EPHA6: variants seen among roughly 807,000 people sequenced by gnomAD.
EPHA6 encodes the protein ephrin type-A receptor 6.
In EPHA6, 50 loss-of-function variants were observed where a neutral mutation model predicts 112.0. The observed-to-expected ratio is 0.45, with a 90% CI of 0.36 to 0.56. EPHA6 has a LOEUF of 0.56. EPHA6 is among the 20% of genes least tolerant of loss of function. EPHA6 has a pLI of 0.00. For missense variants in EPHA6, 1,280 were observed against 1,417.4 expected (o/e 0.90, Z 1.56); for synonymous variants, 529 against 490.7 (o/e 1.08, Z -1.03).
At chr3:97,386,123 A>G (rs746043695) in intron 5 of EPHA6, among the ~76,000 whole-genome samples, 7 of 152,264 alleles carry the variant, frequency 4.6e-5, no homozygotes, top group East Asian at 1.9e-4. Context: ...TCAAAAGTCC[A>G]AGTCCAAAGT....
At chr3:97,220,575 A>C (rs2108532073) in intron 3 of EPHA6, among the ~76,000 whole-genome samples, 1 of 152,350 alleles carries the variant, frequency 6.6e-6, no homozygotes, top group East Asian at 1.9e-4. Flanking sequence ...AAGAGGAAGG[A>C]GAATTGCCTA....
chr3:97,138,146 A>G (rs1486290985), intron 3 of EPHA6, among the ~76,000 whole-genome samples: 1 of 152,142 alleles, frequency 6.6e-6, no homozygotes, highest in African/African-American at 2.4e-5. Context: ...AGGACTTCAT[A>G]TTCTAGCTGC....
At chr3:97,209,482 A>C (rs2077806536) in intron 3 of EPHA6, among the ~76,000 whole-genome samples, 1 of 152,182 alleles carries the variant, frequency 6.6e-6, no homozygotes, top group Middle Eastern at 3.2e-3. Context: ...ATTAATACTC[A>C]CATCATTGGC....
At chr3:97,658,154 T>C (rs1234553363) in intron 14 of EPHA6, among the ~76,000 whole-genome samples, 4 of 152,030 alleles carry the variant, frequency 2.6e-5, no homozygotes, top group African/African-American at 9.6e-5. Context: ...CCACACACTT[T>C]TAGTTTCTAT....
At chr3:97,290,818 T>G (rs887302203) in intron 5 of EPHA6, among the ~76,000 whole-genome samples, 2 of 152,078 alleles carry the variant, frequency 1.3e-5, no homozygotes, top group South Asian at 2.1e-4. Context: ...GCTCATCTTT[T>G]TTTTTTAAAC....
At chr3:97,407,022 T>C (rs898148944) in intron 6 of EPHA6, among the ~76,000 whole-genome samples, 1 of 152,200 alleles carries the variant, frequency 6.6e-6, no homozygotes, top group Non-Finnish European at 1.5e-5. Flanking sequence ...ATAAGGGTTA[T>C]ATTTTACACA....
At chr3:97,596,898 AT>A (rs2093598775) in intron 12 of EPHA6, among the ~76,000 whole-genome samples, 1 of 138,994 alleles carries the variant, frequency 7.2e-6, no homozygotes, top group Non-Finnish European at 1.5e-5. Flanking sequence ...ATATATATAT[AT>A]ATATATGTAT....
intron 14 of EPHA6, among the ~76,000 whole-genome samples, chr3:97,716,691 A>T (rs1434038298): frequency 6.6e-6 from 1 of 152,128 alleles, no homozygotes; most frequent in Non-Finnish European, 1.5e-5. Context: ...CTCATCTTGC[A>T]ATTAGATATA....
chr3:97,629,131 T>C lies in EPHA6; in HGVS notation c.2575-8742T>C, dbSNP rs1433658893. ...TTTGTAGAGATGGGGTCTTACTCTGTTGCCCAGGCTTGTCTCAATCTCCTG... is the reference window on the plus strand; with the variant it reads ...TTTGTAGAGATGGGGTCTTACTCTGCTGCCCAGGCTTGTCTCAATCTCCTG... On this transcript the variant is annotated intron_variant, in intron 13 of 17. Transcript: ENST00000389672. Among the ~76,000 whole-genome samples the C allele has an allele frequency of 2.0e-5, 3 of 151,974 alleles. No homozygotes were observed. In the East Asian group the frequency reaches 5.8e-4, roughly 29 times the overall value.
intron 10 of EPHA6, among the ~76,000 whole-genome samples, chr3:97,496,623 A>G (rs1273120784): frequency 2.6e-5 from 4 of 152,022 alleles, no homozygotes; most frequent in Non-Finnish European, 5.9e-5. Context: ...TAATTCTGAA[A>G]CCATCTTCAC....
chr3:97,215,266 AAG>A, intron 3 of EPHA6, among the ~76,000 whole-genome samples: 1 of 152,350 alleles, frequency 6.6e-6, no homozygotes, highest in East Asian at 1.9e-4. Context: ...TCAATTTTGA[AAG>A]TATGAGTAGA....
At chr3:96,989,164 T>C (rs80343355) in intron 3 of EPHA6, among the ~76,000 whole-genome samples, 3,630 of 152,192 alleles carry the variant, frequency 0.024, 153 homozygotes, top group African/African-American at 0.083. Flanking sequence ...TGAGAATAAA[T>C]AAGAAAAACA....
Position 97,001,017 on chromosome 3 carries a change from G to GATATATATAT in EPHA6, c.1114+13029_1114+13038dup, listed in dbSNP as rs57116000. Among the ~76,000 whole-genome samples the GATATATATAT allele has an allele frequency of 2.7e-4, 31 of 114,590 alleles. 2 individuals carry two copies. Among genetic ancestry groups the GATATATATAT allele is most frequent in the East Asian group, 4.1e-4 (2 of 4,820 alleles). The allele number at this position is 114,590 out of a possible 152,430, so 75.2% of individuals were successfully genotyped here. ...AAACTCTCCAGCCCAGTCAGAAATT[G>GATATATATAT]ATATATATATATATGCATGTGTGTT... is the stretch of plus-strand genomic sequence containing the variant. On this transcript the variant is annotated intron_variant, in intron 3 of 17. Coordinates refer to ENST00000389672, the MANE Select transcript of EPHA6 (RefSeq NM_001080448.3).
intron 5 of EPHA6, among the ~76,000 whole-genome samples, chr3:97,364,740 A>G (rs1376901513): frequency 2.6e-5 from 4 of 152,176 alleles, no homozygotes; most frequent in African/African-American, 9.6e-5. Context: ...GATTTATTTT[A>G]GAATATGTTT....
chr3:97,038,961 C>T (rs1247871499), intron 3 of EPHA6, among the ~76,000 whole-genome samples: 1 of 152,022 alleles, frequency 6.6e-6, no homozygotes, highest in Non-Finnish European at 1.5e-5. Flanking sequence ...TGGTGATAAT[C>T]TAGGCACTGT....
chr3:97,482,485 C>G (rs1457464207), intron 9 of EPHA6, among the ~76,000 whole-genome samples: 1 of 152,192 alleles, frequency 6.6e-6, no homozygotes, highest in African/African-American at 2.4e-5. Flanking sequence ...AAATTAGTGT[C>G]AGGTCTGGGT....
intron 10 of EPHA6, among the ~76,000 whole-genome samples, chr3:97,507,898 C>T (rs894602432): frequency 6.0e-5 from 9 of 150,386 alleles, no homozygotes; most frequent in Admixed American, 1.3e-4. Flanking sequence ...GGAGGGTGTA[C>T]GTGTCCAGGA....
intron 1 of EPHA6, among the ~76,000 whole-genome samples, chr3:96,848,735 G>A (rs569753466): frequency 6.6e-6 from 1 of 152,194 alleles, no homozygotes; most frequent in African/African-American, 2.4e-5. Flanking sequence ...CTTTGAGACA[G>A]GGTAAATGTG....
At chr3:97,078,574 A>G in intron 3 of EPHA6, among the ~76,000 whole-genome samples, 1 of 152,134 alleles carries the variant, frequency 6.6e-6, no homozygotes. Flanking sequence ...TTTTTATATA[A>G]GGTGTAAGGA....
Sources: gnomAD v4.1 joint callset for allele counts (sites outside exome capture counted in the v4.1 genomes callset) on GRCh38, gnomAD v4.1.1 for gene constraint, MANE v1.5 for transcripts, NCBI Gene and HGNC (gene_info 2026-07-23, HGNC 2026-07-21) for gene names.